The following SLC17A5 variants were observed in gnomAD, a reference collection of about 807,000 sequenced individuals.
SLC17A5 encodes the protein solute carrier family 17 member 5.
Under a neutral mutation model 59.4 loss-of-function variants are expected in SLC17A5, and 47 were observed. That is an observed-to-expected ratio of 0.79 (90% confidence interval 0.63 to 1.01). The LOEUF (loss-of-function observed/expected upper bound fraction) is 1.01, where lower values mean the gene tolerates loss of function less well. Among genes scored for constraint, SLC17A5 ranks in the 50% least tolerant of loss-of-function variants. The pLI is 0.00. For missense variants in SLC17A5, 522 were observed against 595.5 expected (o/e 0.88, Z 1.28); for synonymous variants, 202 against 210.7 (o/e 0.96, Z 0.36).
At chr6:73,596,168 T>C (rs1260099624) in intron 10 of SLC17A5, among the ~76,000 whole-genome samples, 1 of 152,056 alleles carries the variant, frequency 6.6e-6, no homozygotes, top group African/African-American at 2.4e-5. Flanking sequence ...TAGATAGATA[T>C]ACTTCAATAA....
At chr6:73,637,497 C>A (rs1254889951) in intron 4 of SLC17A5, among the ~76,000 whole-genome samples, 1 of 152,146 alleles carries the variant, frequency 6.6e-6, no homozygotes, top group African/African-American at 2.4e-5. Context: ...TTGAATCATG[C>A]CTCTTAAAAA....
rs1422170379 is a variant in SLC17A5, at chr6:73,597,660, C to T, written c.1351-2446G>A. Among the ~76,000 whole-genome samples, 6 of 152,014 alleles carry T rather than the reference C, an allele frequency of 3.9e-5. No individual in the cohort carries two copies. In the East Asian group the frequency reaches 9.7e-4, roughly 25 times the overall value. ...ATTAGCTGGACATGGTAGTGTACAT[C>T]TGTAGTCCCAGCTACTTGGGGGGCT... On this transcript the variant is annotated intron_variant, in intron 10 of 10. Coordinates refer to ENST00000355773, the MANE Select transcript of SLC17A5 (RefSeq NM_012434.5).
At chr6:73,601,210 T>C (rs1435826994) in intron 9 of SLC17A5, among the ~76,000 whole-genome samples, 1 of 142,750 alleles carries the variant, frequency 7.0e-6, no homozygotes, top group East Asian at 2.1e-4. Flanking sequence ...GTCTGGGATG[T>C]GAGGAGCGCC....
intron 3 of SLC17A5, among the ~76,000 whole-genome samples, chr6:73,640,354 CT>C (rs1300106582): frequency 6.6e-6 from 1 of 152,200 alleles, no homozygotes; most frequent in Non-Finnish European, 1.5e-5. Context: ...AATGAAAAAT[CT>C]TTTAATAGTA....
At chr6:73,644,985 A>T (rs1434096861) in intron 1 of SLC17A5, among the ~76,000 whole-genome samples, 1 of 152,316 alleles carries the variant, frequency 6.6e-6, no homozygotes, top group African/African-American at 2.4e-5. Context: ...AGTTCATTAA[A>T]ACATGGAGGT....
intron 6 of SLC17A5, among the ~76,000 whole-genome samples, chr6:73,634,834 T>C (rs913746560): frequency 9.9e-5 from 15 of 152,202 alleles, no homozygotes; most frequent in Non-Finnish European, 2.2e-4. Flanking sequence ...AGATTTGGGA[T>C]GTACAACTGT....
At chr6:73,609,698 G>A (rs1767560546) in intron 9 of SLC17A5, among the ~76,000 whole-genome samples, 3 of 152,202 alleles carry the variant, frequency 2.0e-5, no homozygotes, top group Admixed American at 6.6e-5. Flanking sequence ...TTATTGCAAT[G>A]TTCTAATGAG....
chr6:73,594,806 A>G lies in SLC17A5; in HGVS notation c.*271T>C, dbSNP rs1169013132. 10 of 449,794 alleles carry G rather than the reference A, an allele frequency of 2.2e-5. No individual in the cohort carries two copies. The highest frequency in any genetic ancestry group is 4.5e-5 in the East Asian group (1 of 22,318). The allele number at this position is 449,794 out of a possible 1,614,324, so 27.9% of individuals were successfully genotyped here. ...ATTCCCTTTAGTATGGCCCTAAAAAATCAACAGAACTGTCCTACTTCATGT... is the reference window on the plus strand; with the variant it reads ...ATTCCCTTTAGTATGGCCCTAAAAAGTCAACAGAACTGTCCTACTTCATGT... On this transcript the variant is annotated 3_prime_UTR_variant, in exon 11 of 11. Coordinates refer to ENST00000355773, the MANE Select transcript of SLC17A5 (RefSeq NM_012434.5).
chr6:73,632,434 C>CTTTTTTTTT lies in SLC17A5; in HGVS notation c.819+2939_819+2947dup, dbSNP rs1163170650. Reference sequence around the variant, plus strand: ...AAGACACATATCGATGTAGAGAAAGCTTTTTTTTTTTTTTTTTTTTTTTTT... The same window carrying CTTTTTTTTT: ...AAGACACATATCGATGTAGAGAAAGCTTTTTTTTTTTTTTTTTTTTTTTTTTTTTTTTTT... On this transcript the variant is annotated intron_variant, in intron 6 of 10. Coordinates refer to ENST00000355773, the MANE Select transcript of SLC17A5 (RefSeq NM_012434.5). Among the ~76,000 whole-genome samples the CTTTTTTTTT allele has an allele frequency of 1.0e-4, 9 of 86,790 alleles. 1 individual carries two copies. The highest frequency in any genetic ancestry group is 2.9e-4 in the African/African-American group (7 of 24,312). The allele number at this position is 86,790 out of a possible 152,430, so 56.9% of individuals were successfully genotyped here.
rs547215933 is a variant in SLC17A5, at chr6:73,593,753, A to T, written c.*1324T>A. The T allele has an allele frequency of 6.6e-6, 1 of 152,292 alleles. No individual in the cohort carries two copies. The highest frequency in any genetic ancestry group is 1.9e-4 in the East Asian group (1 of 5,184). 9.4% of individuals were successfully genotyped at this position (152,292 alleles called of 1,614,324 possible). The stretch of plus-strand genomic sequence containing the variant: ...AACAGTGAGAATTAATTAAAAAAAA[A>T]ATTCTCGTGTAGCTTAAAAACATAG... On this transcript the variant is annotated 3_prime_UTR_variant, in exon 11 of 11. Coordinates refer to ENST00000355773, the MANE Select transcript of SLC17A5 (RefSeq NM_012434.5).
chr6:73,644,627 T>G, intron 1 of SLC17A5, 24 bp from the exon 2 acceptor site: 6 of 1,584,530 alleles, frequency 3.8e-6, no homozygotes, highest in Non-Finnish European at 5.2e-6. Context: ...TGGGGAAAAT[T>G]TTTATTTATT....
chr6:73,636,184 T>C (rs867609152), intron 5 of SLC17A5, among the ~76,000 whole-genome samples: 2 of 152,068 alleles, frequency 1.3e-5, no homozygotes, highest in African/African-American at 4.8e-5. Context: ...CAGATATATT[T>C]CTTGCATGAC....
chr6:73,624,676 C>G (rs1375762468), intron 6 of SLC17A5, among the ~76,000 whole-genome samples: 2 of 152,014 alleles, frequency 1.3e-5, no homozygotes, highest in African/African-American at 4.8e-5. Context: ...GAGATCAAGA[C>G]CATCCTGGCC....
At chr6:73,636,857 G>T in intron 4 of SLC17A5, 150 bp from the exon 5 acceptor site, 1 of 669,786 alleles carries the variant, frequency 1.5e-6, no homozygotes, top group Non-Finnish European at 2.7e-6. Flanking sequence ...GATGTGGGTG[G>T]ATCACCTGAG....
chr6:73,604,418 T>A (rs1767300352), intron 9 of SLC17A5, among the ~76,000 whole-genome samples: 1 of 152,182 alleles, frequency 6.6e-6, no homozygotes, highest in Admixed American at 6.6e-5. Context: ...CTAATTCCCA[T>A]GAATTCGGGC....
At chr6:73,600,690 G>A (rs1767018455) in intron 9 of SLC17A5, among the ~76,000 whole-genome samples, 1 of 151,622 alleles carries the variant, frequency 6.6e-6, no homozygotes, top group Admixed American at 6.6e-5. Flanking sequence ...TAGTAGAGCC[G>A]GTGTCTCACC....
At chr6:73,600,910 T>G (rs895126932) in intron 9 of SLC17A5, among the ~76,000 whole-genome samples, 5 of 152,216 alleles carry the variant, frequency 3.3e-5, no homozygotes, top group African/African-American at 1.2e-4. Flanking sequence ...GGTGAAAAAC[T>G]TGCATTTCAA....
chr6:73,635,608 C>A, intron 5 of SLC17A5, 108 bp from the exon 6 acceptor site: 1 of 622,882 alleles, frequency 1.6e-6, no homozygotes, highest in Non-Finnish European at 2.8e-6. Context: ...TTTTACATGT[C>A]TTGAAAAAAT....
At chr6:73,606,954 G>A (rs1476736269) in intron 9 of SLC17A5, among the ~76,000 whole-genome samples, 2 of 152,124 alleles carry the variant, frequency 1.3e-5, no homozygotes, top group Non-Finnish European at 2.9e-5. Flanking sequence ...AAATTATGTT[G>A]AGAAGTTAGA....
Sources: gnomAD v4.1 joint callset for allele counts (sites outside exome capture counted in the v4.1 genomes callset) on GRCh38, gnomAD v4.1.1 for gene constraint, MANE v1.5 for transcripts, NCBI Gene and HGNC (gene_info 2026-07-23, HGNC 2026-07-21) for gene names.